The following DDAH1 variants were observed in gnomAD, a reference collection of about 807,000 sequenced individuals.
DDAH1 encodes dimethylarginine dimethylaminohydrolase 1, also known as N(G),N(G)-dimethylarginine dimethylaminohydrolase 1.
A neutral mutation model predicts 28.8 loss-of-function variants in DDAH1; 19 were observed. The ratio of observed to expected loss-of-function variants is 0.66; its 90% CI spans 0.46 to 0.97. The LOEUF is 0.97. Ranked by LOEUF, DDAH1 falls within the 50% of genes least tolerant of loss-of-function variation. The probability of loss-of-function intolerance (pLI) is 0.00; values close to 1 mark genes in which losing one functional copy is unlikely to be tolerated. For synonymous variants in DDAH1, 153 were observed against 154.4 expected (o/e 0.99, Z 0.07); for missense variants, 326 against 375.9 (o/e 0.87, Z 1.10).
In DDAH1 at chr1:85,319,272, T is replaced by C. The variant is rs1023056188; in HGVS notation, c.*2180A>G. ...GAAGAGGCACACAGAGTCTAAGTGA[T>C]TTCTCCAGACAAAAGAGAAGGAAAG... On this transcript the variant is annotated 3_prime_UTR_variant, in exon 6 of 6. Coordinates refer to ENST00000284031, the MANE Select transcript of DDAH1 (RefSeq NM_012137.4). The C allele has an allele frequency of 6.6e-6, 1 of 152,138 alleles. No individual in the cohort carries two copies. Among genetic ancestry groups the C allele is most frequent in the Non-Finnish European group, 1.5e-5 (1 of 68,034 alleles). 9.4% of individuals were successfully genotyped at this position (152,138 alleles called of 1,614,324 possible).
At chr1:85,525,965 G>T (rs1158399633) in intron 1 of DDAH1, among the ~76,000 whole-genome samples, 2 of 152,192 alleles carry the variant, frequency 1.3e-5, no homozygotes, top group Non-Finnish European at 2.9e-5. Flanking sequence ...CCAATAATTT[G>T]CTAGGGTTAT....
intron 1 of DDAH1, among the ~76,000 whole-genome samples, chr1:85,374,852 A>G (rs1288760971): frequency 6.6e-6 from 1 of 152,192 alleles, no homozygotes; most frequent in Non-Finnish European, 1.5e-5. Flanking sequence ...GAAAAAAATT[A>G]TCTTCTGAAA....
At position 85,416,355 on chromosome 1, in the gene DDAH1, C is replaced by T. The variant is rs1049908162; in HGVS notation, c.303+48388G>A. Among the ~76,000 whole-genome samples, 12 of 152,072 alleles carry T rather than the reference C, an allele frequency of 7.9e-5. 1 individual carries two copies. The highest frequency in any genetic ancestry group is 5.9e-4 in the Admixed American group (9 of 15,280). Reference sequence around the variant, plus strand: ...GGACTACAGGCATCCACCATGACACCGGCTAAATTTTGTATTTTTAGTAGA... The same window carrying T: ...GGACTACAGGCATCCACCATGACACTGGCTAAATTTTGTATTTTTAGTAGA... On this transcript the variant is annotated intron_variant, in intron 1 of 5. Transcript: ENST00000284031.
rs183683832 is a variant in DDAH1 at position 85,404,584 on chromosome 1, T to C, written c.304-45737A>G. On this transcript the variant is annotated intron_variant, in intron 1 of 5. Transcript: ENST00000284031. ...TAGGAGTTCATTTTCCAGACTCTTG[T>C]GGGAATACAGAGCATGTCTGCTGAA... is the stretch of plus-strand genomic sequence containing the variant. 1.6e-5 allele frequency: 21 copies of C among 1,327,130 alleles called. No homozygotes were observed. The East Asian group carries it at 4.4e-4, about 28-fold the overall frequency. The allele number at this position is 1,327,130 out of a possible 1,614,324, so 82.2% of individuals were successfully genotyped here.
chr1:85,547,085 A>C (rs1658648517), intron 1 of DDAH1, among the ~76,000 whole-genome samples: 2 of 152,234 alleles, frequency 1.3e-5, no homozygotes, highest in South Asian at 4.1e-4. Flanking sequence ...TCAGAGGAGA[A>C]ATTTGGCCTT....
chr1:85,508,750 C>G (rs538705288), intron 1 of DDAH1, among the ~76,000 whole-genome samples: 1 of 152,226 alleles, frequency 6.6e-6, no homozygotes, highest in Non-Finnish European at 1.5e-5. Flanking sequence ...ATCTGTGAGG[C>G]GGCAGCCTGG....
At chr1:85,475,434 G>A (rs1655764491) in intron 2 of DDAH1, among the ~76,000 whole-genome samples, 1 of 152,240 alleles carries the variant, frequency 6.6e-6, no homozygotes, top group South Asian at 2.1e-4. Flanking sequence ...TATTGGTTGG[G>A]GGAAAGCTTC....
At chr1:85,323,201 G>C (rs902254925) in intron 5 of DDAH1, among the ~76,000 whole-genome samples, 4 of 152,002 alleles carry the variant, frequency 2.6e-5, no homozygotes, top group Non-Finnish European at 4.4e-5. Flanking sequence ...TATTTAAAAG[G>C]TAGTATAAAA....
At chr1:85,330,891 G>A (rs1647721218) in intron 4 of DDAH1, among the ~76,000 whole-genome samples, 1 of 152,160 alleles carries the variant, frequency 6.6e-6, no homozygotes, top group South Asian at 2.1e-4. Context: ...TTTAAGGCAG[G>A]ACAAGCACAT....
intron 1 of DDAH1, among the ~76,000 whole-genome samples, chr1:85,425,784 G>A (rs1387715397): frequency 2.0e-5 from 3 of 152,158 alleles, no homozygotes; most frequent in Admixed American, 2.0e-4. Context: ...GCTTGAATAA[G>A]CTGTCTGAGT....
intron 1 of DDAH1, among the ~76,000 whole-genome samples, chr1:85,569,750 A>G (rs1659398979): frequency 6.6e-6 from 1 of 152,220 alleles, no homozygotes; most frequent in Admixed American, 6.5e-5. Context: ...AAAATAGCAG[A>G]GCAATGAAAG....
intron 2 of DDAH1, among the ~76,000 whole-genome samples, chr1:85,478,304 T>A (rs1266475510): frequency 1.3e-5 from 2 of 152,208 alleles, no homozygotes. Flanking sequence ...CTTTCTGACA[T>A]CTTAATTAAT....
chr1:85,359,565 C>T lies in DDAH1; in HGVS notation c.304-718G>A, dbSNP rs571409757. On this transcript the variant is annotated intron_variant, in intron 1 of 5. Coordinates refer to ENST00000284031, the MANE Select transcript of DDAH1 (RefSeq NM_012137.4). ...ATACATGGAAGGAATATCAATAACTCGTAATTTGAAATCTCAACCCATAGG... is the reference window on the plus strand; with the variant it reads ...ATACATGGAAGGAATATCAATAACTTGTAATTTGAAATCTCAACCCATAGG... Among the ~76,000 whole-genome samples the T allele has an allele frequency of 8.3e-4, 127 of 152,248 alleles. 1 individual carries two copies. In the Middle Eastern group the frequency reaches 0.01, roughly 12 times the overall value.
chr1:85,337,750 T>C (rs746899941), intron 4 of DDAH1, among the ~76,000 whole-genome samples: 3 of 152,170 alleles, frequency 2.0e-5, no homozygotes, highest in Non-Finnish European at 4.4e-5. Flanking sequence ...GCCAATAAAA[T>C]TAATTTTTTC....
chr1:85,395,410 T>C (rs146844069), intron 1 of DDAH1, among the ~76,000 whole-genome samples: 4,129 of 152,274 alleles, frequency 0.027, 193 homozygotes, highest in African/African-American at 0.093. Context: ...CAGTGGCTCA[T>C]GCCTGTAGTC....
chr1:85,533,131 A>G (rs1477594652), intron 1 of DDAH1, among the ~76,000 whole-genome samples: 5 of 152,212 alleles, frequency 3.3e-5, no homozygotes, highest in Admixed American at 3.3e-4. Flanking sequence ...CCTTCACCAA[A>G]GAACCTCATA....
At chr1:85,442,919 G>T (rs1038739367) in intron 1 of DDAH1, among the ~76,000 whole-genome samples, 3 of 152,162 alleles carry the variant, frequency 2.0e-5, no homozygotes, top group African/African-American at 7.2e-5. Flanking sequence ...GTAGATTCTG[G>T]ATATTAGCCC....
intron 1 of DDAH1, among the ~76,000 whole-genome samples, chr1:85,384,333 A>G (rs573459379): frequency 5.9e-5 from 9 of 152,136 alleles, no homozygotes; most frequent in Non-Finnish European, 1.3e-4. Context: ...CCTCATCTCC[A>G]GTACTCTGCC....
chr1:85,401,560 C>A, intron 1 of DDAH1, among the ~76,000 whole-genome samples: 1 of 144,714 alleles, frequency 6.9e-6, no homozygotes. Context: ...AGTACAGTCG[C>A]ATGACCAAGG....
Sources: allele counts gnomAD v4.1 joint callset (sites outside exome capture counted in the v4.1 genomes callset), GRCh38; gene constraint gnomAD v4.1.1; transcripts MANE v1.5; gene names NCBI Gene and HGNC (gene_info 2026-07-23, HGNC 2026-07-21).